CCDC57: variants seen among roughly 807,000 people sequenced by gnomAD.
CCDC57 encodes the protein coiled-coil domain-containing protein 57.
In CCDC57, 118 loss-of-function variants were observed where a neutral mutation model predicts 118.9. The ratio of observed to expected loss-of-function variants is 0.99; its 90% CI spans 0.86 to 1.16. CCDC57 has a LOEUF of 1.16. Among genes scored for constraint, CCDC57 ranks in the 50% most tolerant of loss-of-function variants. The pLI, the probability that CCDC57 is intolerant of heterozygous loss-of-function variation, is 0.00. For missense variants in CCDC57, 1,300 were observed against 1,320.7 expected, an observed-to-expected ratio of 0.98 and a Z score of 0.24; for synonymous variants, 527 against 532.9, an observed-to-expected ratio of 0.99 and a Z score of 0.15.
chr17:82,167,090 CAA>C (rs936587556), intron 13 of CCDC57, among the ~76,000 whole-genome samples: 19 of 152,082 alleles, frequency 1.2e-4, no homozygotes, highest in African/African-American at 4.6e-4. Flanking sequence ...CCAATTTGAA[CAA>C]GAGAGAAAAC....
chr17:82,126,868 C>T, intron 19 of CCDC57: 2 of 985,430 alleles, frequency 2.0e-6, no homozygotes, highest in Non-Finnish European at 2.4e-6. Flanking sequence ...GAGGCACACC[C>T]TCATGACGGA....
intron 4 of CCDC57, among the ~76,000 whole-genome samples, chr17:82,196,563 T>C (rs1269673696): frequency 6.6e-6 from 1 of 152,272 alleles, no homozygotes; most frequent in South Asian, 2.1e-4. Flanking sequence ...TATCCTACTA[T>C]GACCAAGCTC....
At chr17:82,169,283 C>T (rs910098697) in intron 13 of CCDC57, among the ~76,000 whole-genome samples, 5 of 152,108 alleles carry the variant, frequency 3.3e-5, no homozygotes, top group South Asian at 4.1e-4. Flanking sequence ...CCTGCCACCA[C>T]GCCCAGCTAA....
chr17:82,173,290 T>C (rs2045017940), intron 11 of CCDC57, among the ~76,000 whole-genome samples: 1 of 152,190 alleles, frequency 6.6e-6, no homozygotes, highest in Admixed American at 6.6e-5. Flanking sequence ...GCAGCCAGTT[T>C]TGCGTTATGT....
At chr17:82,148,331 G>A (rs1166397655) in intron 16 of CCDC57, among the ~76,000 whole-genome samples, 1 of 54,256 alleles carries the variant, frequency 1.8e-5, no homozygotes, top group Non-Finnish European at 3.4e-5. Flanking sequence ...GTGGGTGGAT[G>A]GATGGATGGA....
chr17:82,101,519 C>CA (rs763037707), downstream of CCDC57: 5 of 610,128 alleles, frequency 8.2e-6, no homozygotes, highest in East Asian at 1.5e-4. Context: ...GGGAGGCCTT[C>CA]AGTCAGCAGG....
At chr17:82,120,794 C>T (rs778310396) in intron 19 of CCDC57, among the ~76,000 whole-genome samples, 6 of 151,798 alleles carry the variant, frequency 4.0e-5, no homozygotes, top group Admixed American at 2.0e-4. Context: ...CTCACTCTGT[C>T]GCCCAGGCTG....
chr17:82,157,846 C>T lies in CCDC57; in HGVS notation c.2143G>A (p.Glu715Lys), dbSNP rs548915811. 176 of 1,596,632 alleles carry T rather than the reference C, an allele frequency of 1.1e-4. No homozygotes were observed. The Middle Eastern group carries it at 1.8e-3, about 17-fold the overall frequency. Reference sequence around the variant, plus strand: ...GCTATCCTGAGATGCTTCCCCAGCTCAGCCACCTGCTTCCGCAGCTCCAAA... The same window carrying T: ...GCTATCCTGAGATGCTTCCCCAGCTTAGCCACCTGCTTCCGCAGCTCCAAA... The change falls in exon 15 of 20, where the codon GAG (glutamate) becomes AAG (lysine). Residue 715 changes from glutamate (E) to lysine (K), a missense_variant. Coordinates refer to ENST00000665763, the Ensembl canonical transcript of CCDC57.
chr17:82,201,462 C>G (rs2048982679), intron 3 of CCDC57, 76 bp downstream of exon 2: 3 of 1,439,974 alleles, frequency 2.1e-6, no homozygotes, highest in South Asian at 2.8e-5. Context: ...AGTGCTCGGG[C>G]AGCACAGCGG....
chr17:82,136,088 AT>A (rs1281700731), intron 16 of CCDC57, among the ~76,000 whole-genome samples: 2 of 152,168 alleles, frequency 1.3e-5, no homozygotes, highest in African/African-American at 4.8e-5. Flanking sequence ...TAGACACAGA[AT>A]TCCCACATGA....
chr17:82,170,488 A>G (rs1382736399), intron 13 of CCDC57, among the ~76,000 whole-genome samples: 1 of 148,372 alleles, frequency 6.7e-6, no homozygotes, highest in Non-Finnish European at 1.5e-5. Context: ...ACCCTGGGCA[A>G]CAGAGCAAGA....
In CCDC57 at chr17:82,171,679, C is replaced by T. The variant is rs1346888997; in HGVS notation, c.1882+22G>A. 1.9e-6 allele frequency: 3 copies of T among 1,602,392 alleles called. No homozygotes were observed. In the South Asian group the frequency reaches 3.3e-5, roughly 18 times the overall value. ...TCAGTTTATAAGGGGACAGCAAGTA[C>T]CCCACTGAGACGCGGACTTACCAGT... On this transcript the variant is annotated intron_variant, in intron 13 of 19. Transcript: ENST00000665763.
chr17:82,201,631 G>A (rs1436662770), exon 3 of CCDC57: 7 of 1,613,680 alleles, frequency 4.3e-6, no homozygotes, highest in African/African-American at 1.3e-5. Flanking sequence ...TCTGGCTAGC[G>A]CCTGCCTCAG....
chr17:82,119,678 A>AG (rs900499745), intron 19 of CCDC57, among the ~76,000 whole-genome samples: 4 of 151,672 alleles, frequency 2.6e-5, no homozygotes, highest in African/African-American at 9.7e-5. Context: ...GGGTACCCAC[A>AG]GGTGCACAGG....
chr17:82,140,293 A>G (rs1405147309), intron 16 of CCDC57, among the ~76,000 whole-genome samples: 3 of 152,102 alleles, frequency 2.0e-5, no homozygotes, highest in African/African-American at 7.2e-5. Flanking sequence ...TCACCATGTT[A>G]GCCATGGTGG....
intron 7 of CCDC57, 109 bp downstream of exon 6, chr17:82,193,647 C>G: frequency 2.2e-6 from 2 of 892,482 alleles, no homozygotes; most frequent in South Asian, 3.1e-5. Context: ...CAGGTCCGAT[C>G]CCTGGAGTGG....
intron 19 of CCDC57, among the ~76,000 whole-genome samples, chr17:82,125,378 A>ATTT (rs33998629): frequency 6.8e-6 from 1 of 146,014 alleles, no homozygotes; most frequent in Non-Finnish European, 1.5e-5. Flanking sequence ...TCTCTACTAA[A>ATTT]TTTTTTTTTT....
intron 13 of CCDC57, among the ~76,000 whole-genome samples, chr17:82,165,908 A>G (rs1352890291): frequency 6.6e-6 from 1 of 152,208 alleles, no homozygotes; most frequent in Non-Finnish European, 1.5e-5. Context: ...TGAACCCAGA[A>G]AGGCTGACTA....
intron 16 of CCDC57, among the ~76,000 whole-genome samples, chr17:82,142,069 T>C (rs904606236): frequency 3.3e-5 from 5 of 152,242 alleles, no homozygotes; most frequent in African/African-American, 7.2e-5. Flanking sequence ...TCCTTGGAAC[T>C]GGTTACAGCA....
Sources: allele counts gnomAD v4.1 joint callset (sites outside exome capture counted in the v4.1 genomes callset), GRCh38; gene constraint gnomAD v4.1.1; transcripts MANE v1.5; gene names NCBI Gene and HGNC (gene_info 2026-07-23, HGNC 2026-07-21).